The following TPPP2 variants were observed in gnomAD, a reference collection of about 807,000 sequenced individuals.
TPPP2 encodes tubulin polymerization promoting protein family member 2.
A neutral mutation model predicts 13.0 loss-of-function variants in TPPP2; 8 were observed. The ratio of observed to expected loss-of-function variants is 0.62; its 90% confidence interval spans 0.36 to 1.11. The LOEUF (loss-of-function observed/expected upper bound fraction) is 1.11. Ranked by LOEUF, TPPP2 falls within the 50% of genes most tolerant of loss-of-function variation. The pLI is 0.02. For missense variants in TPPP2, 213 were observed against 216.9 expected (o/e 0.98, Z 0.11); for synonymous variants, 81 against 81.8 (o/e 0.99, Z 0.05).
chr14:21,024,572 G>A (rs776809334), intron 1 of TPPP2: 39 of 985,450 alleles, frequency 4.0e-5, no homozygotes, highest in Non-Finnish European at 4.7e-5. Context: ...CACAAAGATT[G>A]GTGCCGTCGC....
upstream of TPPP2, among the ~76,000 whole-genome samples, chr14:21,028,744 ATTAGAT>A (rs1566484627): frequency 2.0e-5 from 3 of 152,220 alleles, no homozygotes; most frequent in Non-Finnish European, 4.4e-5. Context: ...GGAGTGAAGA[ATTAGAT>A]TTAGAAAAGA....
At chr14:21,025,696 T>C (rs1196975824), upstream of TPPP2, 40 of 975,946 alleles carry the variant, frequency 4.1e-5, no homozygotes, top group Non-Finnish European at 4.7e-5. The surrounding 1 kb of genome is among the most constrained non-coding windows in gnomAD (Gnocchi z 5.1). Flanking sequence ...CTTTGCTGCG[T>C]CCCGACGCCT....
upstream of TPPP2, among the ~76,000 whole-genome samples, chr14:21,027,064 G>GTCC (rs1236650101): frequency 6.6e-6 from 1 of 152,178 alleles, no homozygotes; most frequent in East Asian, 1.9e-4. Flanking sequence ...GATGACTCAG[G>GTCC]GGGAACCTGA....
At chr14:21,034,776 A>T (rs529449192), downstream of TPPP2, 1 of 156,584 alleles carries the variant, frequency 6.4e-6, no homozygotes, top group Admixed American at 6.3e-5. Flanking sequence ...AAAGGTTTCT[A>T]GGTAAAAATC....
chr14:21,025,785 A>C, upstream of TPPP2: 29 of 701,246 alleles, frequency 4.1e-5, no homozygotes, highest in Non-Finnish European at 4.6e-5. The surrounding 1 kb of genome is among the most constrained non-coding windows in gnomAD (Gnocchi z 5.1). Flanking sequence ...CGCTATAAAT[A>C]GAGGGCGATC....
downstream of TPPP2, chr14:21,035,893 T>C (rs1884590839): frequency 2.2e-6 from 1 of 453,444 alleles, no homozygotes; most frequent in African/African-American, 2.0e-5. Context: ...GTGGTTAAGA[T>C]CAAGGCTTTT....
downstream of TPPP2, chr14:21,034,619 G>C: frequency 3.7e-6 from 1 of 270,310 alleles, no homozygotes; most frequent in Non-Finnish European, 7.0e-6. Flanking sequence ...ACTCCTGCTA[G>C]TAAAAAATGC....
downstream of TPPP2, chr14:21,033,594 G>T: frequency 1.7e-6 from 1 of 583,624 alleles, no homozygotes; most frequent in Non-Finnish European, 3.1e-6. Context: ...AGGATGATGA[G>T]GAGGTGGGGG....
intron 3 of TPPP2, 55 bp from the exon 4 acceptor site, chr14:21,031,837 G>A (rs1884194834): frequency 6.4e-7 from 1 of 1,559,522 alleles, no homozygotes; most frequent in Admixed American, 1.8e-5. Flanking sequence ...CTTTGGGGAA[G>A]GGATATGACA....
chr14:21,025,165 C>T lies in TPPP2; in HGVS notation n.236+821C>T, dbSNP rs1883249849. On this transcript the variant is annotated intron_variant and non_coding_transcript_variant, in intron 1 of 1. Transcript: ENST00000533755. This position sits in a 1 kb window ranked among gnomAD's most constrained non-coding sequence, Gnocchi z 5.1. Reference sequence around the variant, plus strand: ...AGGCTCCCCGCAGACCCGCCCCAGACCCCCAGTAAACACGCCCCCCCTTTC... The same window carrying T: ...AGGCTCCCCGCAGACCCGCCCCAGATCCCCAGTAAACACGCCCCCCCTTTC... 1 of 939,460 alleles carries T rather than the reference C, an allele frequency of 1.1e-6. No homozygotes were observed. The allele number at this position is 939,460 out of a possible 1,614,324, so 58.2% of individuals were successfully genotyped here. A position where few individuals can be genotyped will look rare whatever the true frequency, so the allele number is the denominator to read the frequency against.
chr14:21,030,350 G>C lies in TPPP2; in HGVS notation c.-70+46G>C, dbSNP rs549804034. 2.4e-5 allele frequency: 13 copies of C among 537,606 alleles called. 1 individual carries two copies. Among genetic ancestry groups the C allele is most frequent in the Middle Eastern group, 5.0e-4 (1 of 2,004 alleles). The allele number at this position is 537,606 out of a possible 1,614,324, so 33.3% of individuals were successfully genotyped here. On this transcript the variant is annotated intron_variant, in intron 1 of 3. Coordinates refer to ENST00000321760, the MANE Select transcript of TPPP2 (RefSeq NM_173846.5). ...AAAGAGAGGATCATTCAGTAGGTAG[G>C]ATCCACACTGGTATCTCCAATGCTG...
exon 1 of TPPP2, chr14:21,024,314 G>A (rs1882559137): frequency 2.0e-6 from 2 of 985,198 alleles, no homozygotes; most frequent in South Asian, 4.7e-5. Context: ...TTCAGGCTGC[G>A]CGGAGGAGAG....
intron 3 of TPPP2, 128 bp from the exon 4 acceptor site, chr14:21,031,764 C>T (rs1424823468): frequency 1.9e-6 from 2 of 1,044,106 alleles, no homozygotes; most frequent in Non-Finnish European, 2.8e-6. Flanking sequence ...CCTAAGAAAG[C>T]AGCACCCCAT....
intron 2 of TPPP2, 91 bp downstream of exon 2, chr14:21,030,845 G>C: frequency 1.3e-6 from 2 of 1,526,616 alleles, no homozygotes; most frequent in Non-Finnish European, 1.8e-6. Context: ...ATTTGCAGTG[G>C]GCCTACCAAG....
upstream of TPPP2, among the ~76,000 whole-genome samples, chr14:21,026,158 A>G (rs908068674): frequency 6.6e-6 from 1 of 151,572 alleles, no homozygotes; most frequent in Admixed American, 6.6e-5. Context: ...ACACGCACAC[A>G]CACACACACA....
chr14:21,033,745 G>A (rs771895209), downstream of TPPP2: 8 of 1,050,092 alleles, frequency 7.6e-6, no homozygotes, highest in Non-Finnish European at 1.2e-5. Flanking sequence ...AGGAAGTCTT[G>A]TTACAGGGAT....
rs1883233611 is a variant in TPPP2 at position 21,025,143 on chromosome 14, C to T, written n.236+799C>T. 1 of 975,032 alleles carries T rather than the reference C, an allele frequency of 1.0e-6. No individual in the cohort carries two copies. Among genetic ancestry groups the T allele is most frequent in the South Asian group, 4.7e-5 (1 of 21,072 alleles). The allele number at this position is 975,032 out of a possible 1,614,324, so 60.4% of individuals were successfully genotyped here. On this transcript the variant is annotated intron_variant and non_coding_transcript_variant, in intron 1 of 1. Transcript: ENST00000533755. The surrounding 1 kb of genome is among the most constrained non-coding windows in gnomAD (Gnocchi z 5.1). ...CCCCAGCCCGCCCACGGGCGCTAGG[C>T]TCCCCGCAGACCCGCCCCAGACCCC...
At chr14:21,029,423 A>G (rs1328380583), upstream of TPPP2, among the ~76,000 whole-genome samples, 6 of 152,106 alleles carry the variant, frequency 3.9e-5, no homozygotes, top group Non-Finnish European at 5.9e-5. Context: ...CAACATGGCA[A>G]AACCCCGTCT....
At chr14:21,025,556 C>A (rs1883445815), upstream of TPPP2, 10 of 985,438 alleles carry the variant, frequency 1.0e-5, no homozygotes, top group South Asian at 3.8e-4. The surrounding 1 kb of genome is among the most constrained non-coding windows in gnomAD (Gnocchi z 5.1). Context: ...GGCGGGACCG[C>A]CGCTGAGGAG....
Sources: gnomAD v4.1 joint callset for allele counts (sites outside exome capture counted in the v4.1 genomes callset) on GRCh38, gnomAD v4.1.1 for gene constraint, Gnocchi (gnomAD v3.1) non-coding constraint, MANE v1.5 for transcripts, NCBI Gene and HGNC (gene_info 2026-07-23, HGNC 2026-07-21) for gene names.